CYP19A1: variants seen among roughly 807,000 people sequenced by gnomAD.
The protein encoded by CYP19A1 is cytochrome P450 family 19 subfamily A member 1, also known as aromatase.
CYP19A1 carries 32 observed loss-of-function variants against 44.4 expected under a neutral mutation model. That is an observed-to-expected ratio of 0.72 (90% confidence interval 0.54 to 0.97). The LOEUF is 0.97. CYP19A1 is among the 50% of genes least tolerant of loss of function. CYP19A1 has a pLI of 0.00. For synonymous variants in CYP19A1, 212 were observed against 215.6 expected, an observed-to-expected ratio of 0.98 and a Z score of 0.14; for missense variants, 598 against 637.8, an observed-to-expected ratio of 0.94 and a Z score of 0.67.
rs749681391 is a variant in CYP19A1 at position 51,222,363 on chromosome 15, C to T, written c.614G>A (p.Arg205Lys). 32 of 1,614,014 alleles carry T rather than the reference C, an allele frequency of 2.0e-5. No homozygotes were observed. The highest frequency in any genetic ancestry group is 2.6e-5 in the Non-Finnish European group (31 of 1,180,022). Residue 205 changes from arginine to lysine, a missense_variant, in exon 5 of 10, where the codon AGG becomes AAG. By Grantham distance (26) the Arg-to-Lys change is conservative. Transcript: ENST00000396402. ...AATTTCAGTACCGTCCAAAGGGATC[C>T]TCAAGAAGAGCGTGTTAGAGGTGTC... ...MLDTSNTLFL[R>K]IPLDESAIVV...
At chr15:51,243,000 A>G in intron 1 of CYP19A1, 50 bp from the exon 2 acceptor site, 1 of 900,162 alleles carries the variant, frequency 1.1e-6, no homozygotes, top group Non-Finnish European at 1.9e-6. Context: ...TAAAAGGTTC[A>G]TCTATAGCTC....
chr15:51,214,032 T>C (rs2031313287), intron 8 of CYP19A1, among the ~76,000 whole-genome samples: 1 of 152,208 alleles, frequency 6.6e-6, no homozygotes, highest in African/African-American at 2.4e-5. Context: ...TTCTCTCCCA[T>C]ATTTAACCCT....
chr15:51,243,162 G>A, intron 1 of CYP19A1: 3 of 483,364 alleles, frequency 6.2e-6, no homozygotes, highest in Non-Finnish European at 1.1e-5. Context: ...TCTGACCTTG[G>A]TAGAGTCTCA....
chr15:51,324,378 A>G (rs2036575789), intron 1 of CYP19A1, among the ~76,000 whole-genome samples: 1 of 152,272 alleles, frequency 6.6e-6, no homozygotes, highest in Non-Finnish European at 1.5e-5. Context: ...ATTTTTCCAA[A>G]GATGCTAACA....
chr15:51,219,427 G>A (rs1165177296), intron 5 of CYP19A1, among the ~76,000 whole-genome samples: 3 of 152,194 alleles, frequency 2.0e-5, no homozygotes, highest in Non-Finnish European at 4.4e-5. Flanking sequence ...CACCATGCTA[G>A]GCACTTTGTG....
chr15:51,325,307 G>A (rs531647806), intron 1 of CYP19A1, among the ~76,000 whole-genome samples: 1 of 152,144 alleles, frequency 6.6e-6, no homozygotes. Flanking sequence ...CACTGGCAGG[G>A]TGTAGGAGTG....
chr15:51,283,617 G>A (rs2035602871), intron 1 of CYP19A1, among the ~76,000 whole-genome samples: 5 of 152,144 alleles, frequency 3.3e-5, no homozygotes, highest in Admixed American at 1.3e-4. Context: ...CCAATTGTCG[G>A]CAATTTGGAC....
intron 1 of CYP19A1, among the ~76,000 whole-genome samples, chr15:51,247,187 A>G (rs1431464489): frequency 1.3e-5 from 2 of 152,164 alleles, no homozygotes; most frequent in South Asian, 2.1e-4. Flanking sequence ...CCCCATGCCC[A>G]TGAGAGATCA....
At chr15:51,240,458 C>T (rs1014105486) in intron 2 of CYP19A1, among the ~76,000 whole-genome samples, 9 of 152,108 alleles carry the variant, frequency 5.9e-5, no homozygotes, top group Non-Finnish European at 1.2e-4. Flanking sequence ...CATTATAAGT[C>T]CCTCCAGCTT....
chr15:51,316,733 G>A (rs1158515306), intron 1 of CYP19A1, among the ~76,000 whole-genome samples: 2 of 151,222 alleles, frequency 1.3e-5, no homozygotes, highest in African/African-American at 2.4e-5. Flanking sequence ...AAAAAAGGAA[G>A]AAAGAAAAGA....
intron 1 of CYP19A1, among the ~76,000 whole-genome samples, chr15:51,263,224 G>A (rs1028932492): frequency 7.9e-5 from 12 of 152,226 alleles, no homozygotes; most frequent in Non-Finnish European, 1.5e-4. Flanking sequence ...TGAAGCGGAA[G>A]AGAGAGTGTT....
chr15:51,256,715 T>C (rs2034529963), intron 1 of CYP19A1, among the ~76,000 whole-genome samples: 1 of 152,196 alleles, frequency 6.6e-6, no homozygotes, highest in Non-Finnish European at 1.5e-5. Flanking sequence ...GCAAGGATTT[T>C]AGAGCTCATT....
At chr15:51,269,472 C>A (rs1384813795) in intron 1 of CYP19A1, among the ~76,000 whole-genome samples, 1 of 152,072 alleles carries the variant, frequency 6.6e-6, no homozygotes, top group South Asian at 2.1e-4. Flanking sequence ...GGAGGATGAG[C>A]TCTCCAACTT....
chr15:51,329,118 C>G (rs1447730328), intron 1 of CYP19A1, among the ~76,000 whole-genome samples: 1 of 152,190 alleles, frequency 6.6e-6, no homozygotes, highest in Admixed American at 6.5e-5. Flanking sequence ...CCTATTGGTT[C>G]TGCTTCTCTG....
chr15:51,244,445 T>C (rs913871622), intron 1 of CYP19A1, among the ~76,000 whole-genome samples: 1 of 152,190 alleles, frequency 6.6e-6, no homozygotes. Flanking sequence ...ATTGTGCTTA[T>C]GTTGAGCAGT....
chr15:51,266,766 G>T (rs1415386850), intron 1 of CYP19A1, among the ~76,000 whole-genome samples: 1 of 152,162 alleles, frequency 6.6e-6, no homozygotes, highest in Admixed American at 6.5e-5. Flanking sequence ...TCTGTGGAAG[G>T]CCCCAGGGCA....
chr15:51,257,396 C>T (rs2034554416), intron 1 of CYP19A1, among the ~76,000 whole-genome samples: 1 of 152,276 alleles, frequency 6.6e-6, no homozygotes, highest in South Asian at 2.1e-4. Context: ...CAGGCTGGGG[C>T]AGGACGCAGG....
intron 6 of CYP19A1, 156 bp from the exon 7 acceptor site, chr15:51,215,973 C>T (rs2031534433): frequency 1.4e-6 from 2 of 1,386,688 alleles, no homozygotes; most frequent in Non-Finnish European, 1.9e-6. Flanking sequence ...TTCATAAATA[C>T]CCTTAAATTA....
At chr15:51,312,380 TAC>T (rs1169103801) in intron 1 of CYP19A1, 1 of 152,260 alleles carries the variant, frequency 6.6e-6, no homozygotes, top group African/African-American at 2.4e-5. Flanking sequence ...CATAGCATTT[TAC>T]AGTTTACAGA....
Sources: gnomAD v4.1 joint callset for allele counts (sites outside exome capture counted in the v4.1 genomes callset) on GRCh38, gnomAD v4.1.1 for gene constraint, MANE v1.5 for transcripts, NCBI Gene and HGNC (gene_info 2026-07-23, HGNC 2026-07-21) for gene names.